Variants in SNAP23 observed in about 807,000 individuals in gnomAD.
SNAP23 encodes the protein synaptosomal-associated protein 23.
In SNAP23, 11 loss-of-function variants were observed where a neutral mutation model predicts 29.0. That is an observed-to-expected ratio of 0.38 (90% confidence interval 0.24 to 0.63). The LOEUF is 0.63. SNAP23 is among the 20% of genes least tolerant of loss of function. The pLI is 0.58. For synonymous variants in SNAP23, 60 were observed against 82.9 expected, an observed-to-expected ratio of 0.72 and a Z score of 1.50; for missense variants, 220 against 253.9, an observed-to-expected ratio of 0.87 and a Z score of 0.91.
chr15:42,513,166 T>C (rs2057370442), intron 3 of SNAP23, 170 bp downstream of exon 3: 1 of 751,346 alleles, frequency 1.3e-6, no homozygotes, highest in Non-Finnish European at 2.4e-6. Context: ...TGTTTTTCCC[T>C]TTAACAGTAT....
upstream of SNAP23, among the ~76,000 whole-genome samples, chr15:42,492,484 C>T (rs144782244): frequency 1.3e-5 from 2 of 151,890 alleles, no homozygotes; most frequent in Non-Finnish European, 2.9e-5. Context: ...TCGAGACCAT[C>T]CTGGCCAACA....
chr15:42,510,732 C>T lies in SNAP23; in HGVS notation c.-14-1101C>T, dbSNP rs115830983. Among the ~76,000 whole-genome samples, 648 of 152,222 alleles carry T rather than the reference C, an allele frequency of 4.3e-3. 5 individuals are homozygous for T. The highest frequency in any genetic ancestry group is 0.015 in the African/African-American group (610 of 41,520). ...TTGGGGAATTAAGTTTTCTGCTTAT[C>T]AAAGAGTATATCCATGGCAAGGTTT... On this transcript the variant is annotated intron_variant, in intron 1 of 7. Transcript: ENST00000249647.
chr15:42,505,266 T>A (rs2057307615), intron 1 of SNAP23: 1 of 152,226 alleles, frequency 6.6e-6, no homozygotes, highest in Non-Finnish European at 1.5e-5. Context: ...GGTTTCACCG[T>A]ATTGGGCAGT....
chr15:42,492,971 A>G (rs1423990670), upstream of SNAP23: 1 of 152,236 alleles, frequency 6.6e-6, no homozygotes, highest in Non-Finnish European at 1.5e-5. Context: ...ACGCTAGATT[A>G]TGGTTTCTCA....
intron 5 of SNAP23, among the ~76,000 whole-genome samples, chr15:42,524,355 T>A (rs1038372432): frequency 3.3e-5 from 5 of 152,164 alleles, no homozygotes; most frequent in African/African-American, 1.2e-4. Flanking sequence ...CTATGTGTTC[T>A]ACAGCAGGGG....
Position 42,506,820 on chromosome 15 carries a change from C to CT in SNAP23, c.-14-4998dup, listed in dbSNP as rs757937962. ...CGGTGGATACAGTCAACAGAAAAAACTTTTTTTTTTTTTTTGGAAACAGGG... is the reference window on the plus strand; with the variant it reads ...CGGTGGATACAGTCAACAGAAAAAACTTTTTTTTTTTTTTTTGGAAACAGGG... On this transcript the variant is annotated intron_variant, in intron 1 of 7. Coordinates refer to ENST00000249647, the MANE Select transcript of SNAP23 (RefSeq NM_003825.4). Among the ~76,000 whole-genome samples the CT allele has an allele frequency of 3.1e-3, 439 of 140,254 alleles. 1 individual carries two copies. Among genetic ancestry groups the CT allele is most frequent in the Middle Eastern group, 0.022 (6 of 268 alleles). 92.0% of individuals were successfully genotyped at this position (140,254 alleles called of 152,430 possible). A position where few individuals can be genotyped will look rare whatever the true frequency, so the allele number is the denominator to read the frequency against.
intron 5 of SNAP23, among the ~76,000 whole-genome samples, chr15:42,527,670 G>A (rs2057516608): frequency 6.6e-6 from 1 of 151,374 alleles, no homozygotes; most frequent in South Asian, 2.1e-4. Flanking sequence ...AGGAGTTTGA[G>A]AGATGGGTTT....
chr15:42,524,778 C>T (rs1241953858), intron 5 of SNAP23, among the ~76,000 whole-genome samples: 1 of 151,978 alleles, frequency 6.6e-6, no homozygotes, highest in Non-Finnish European at 1.5e-5. Flanking sequence ...AGTTTAAAAA[C>T]ATATTTATAT....
intron 5 of SNAP23, among the ~76,000 whole-genome samples, chr15:42,525,361 C>A (rs1301422623): frequency 4.3e-5 from 6 of 140,466 alleles, no homozygotes; most frequent in Non-Finnish European, 9.2e-5. Context: ...CAGCGAGACT[C>A]CGTCTCAAAA....
At chr15:42,510,548 T>C (rs2057351627) in intron 1 of SNAP23, among the ~76,000 whole-genome samples, 1 of 152,170 alleles carries the variant, frequency 6.6e-6, no homozygotes, top group African/African-American at 2.4e-5. Context: ...ACATGCAGCT[T>C]TGTTTCTAAG....
upstream of SNAP23, among the ~76,000 whole-genome samples, chr15:42,492,290 G>A (rs1330796539): frequency 3.9e-5 from 6 of 152,238 alleles, no homozygotes; most frequent in Admixed American, 3.9e-4. Flanking sequence ...TCAGATAAAT[G>A]AAATGACATT....
intron 1 of SNAP23, among the ~76,000 whole-genome samples, chr15:42,503,228 GTCTCGC>G (rs557497054): frequency 1.3e-4 from 20 of 152,174 alleles, no homozygotes; most frequent in Non-Finnish European, 2.2e-4. Flanking sequence ...TTAAGATGGA[GTCTCGC>G]TCTGTCGCTG....
At position 42,495,668 on chromosome 15, in the gene SNAP23, T is replaced by A. The variant is rs2057213102; in HGVS notation, c.-60T>A. On this transcript the variant is annotated 5_prime_UTR_variant, in exon 1 of 8. Transcript: ENST00000249647. ...TAGGGTGCAGCGCCAGGTCCGGTGT[T>A]GGGGTGTCCGAGTTGCCGCCGGAGA... The A allele has an allele frequency of 6.6e-6, 1 of 152,478 alleles. No individual in the cohort carries two copies. Among genetic ancestry groups the A allele is most frequent in the Admixed American group, 6.5e-5 (1 of 15,290 alleles). The allele number at this position is 152,478 out of a possible 1,614,324, so 9.4% of individuals were successfully genotyped here.
intron 1 of SNAP23, among the ~76,000 whole-genome samples, chr15:42,496,906 C>G (rs2057224093): frequency 6.6e-6 from 1 of 151,998 alleles, no homozygotes; most frequent in Admixed American, 6.6e-5. Context: ...GGAAAAAGCC[C>G]CTTATAAAAC....
At chr15:42,522,947 C>T (rs112356459) in intron 5 of SNAP23, among the ~76,000 whole-genome samples, 1,670 of 143,910 alleles carry the variant, frequency 0.012, 28 homozygotes, top group African/African-American at 0.04. Flanking sequence ...CAGGTTCAAG[C>T]GATTCTCCTG....
intron 5 of SNAP23, among the ~76,000 whole-genome samples, chr15:42,521,041 C>T (rs1316059214): frequency 6.6e-6 from 1 of 152,176 alleles, no homozygotes; most frequent in Non-Finnish European, 1.5e-5. Context: ...TTCCATCCTG[C>T]TCACTGGAGA....
chr15:42,493,137 T>G (rs2057188624), upstream of SNAP23, among the ~76,000 whole-genome samples: 1 of 151,688 alleles, frequency 6.6e-6, no homozygotes, highest in South Asian at 2.1e-4. Flanking sequence ...AGTCCAGGAG[T>G]TTGAGACCAG....
At chr15:42,502,066 C>T (rs901808309) in intron 1 of SNAP23, among the ~76,000 whole-genome samples, 8 of 139,584 alleles carry the variant, frequency 5.7e-5, no homozygotes, top group African/African-American at 1.9e-4. Flanking sequence ...CTCGCTCTGT[C>T]GCCTAGGCTG....
chr15:42,502,748 G>C (rs1464904727), intron 1 of SNAP23, among the ~76,000 whole-genome samples: 1 of 152,078 alleles, frequency 6.6e-6, no homozygotes, highest in African/African-American at 2.4e-5. Flanking sequence ...CTTTCACATA[G>C]AACGTCCCCT....
Sources: allele counts gnomAD v4.1 joint callset (sites outside exome capture counted in the v4.1 genomes callset), GRCh38; gene constraint gnomAD v4.1.1; transcripts MANE v1.5; gene names NCBI Gene and HGNC (gene_info 2026-07-23, HGNC 2026-07-21).